HNRNPR: variants seen among roughly 807,000 people sequenced by gnomAD.
The protein encoded by HNRNPR is heterogeneous nuclear ribonucleoprotein R.
In HNRNPR, 4 loss-of-function variants were observed where a neutral mutation model predicts 70.3. The observed-to-expected ratio is 0.06, with a 90% confidence interval of 0.03 to 0.13. The LOEUF is 0.13. Among genes scored for constraint, HNRNPR ranks in the 10% least tolerant of loss-of-function variants. HNRNPR has a pLI of 1.00. For missense variants in HNRNPR, 423 were observed against 788.5 expected, an observed-to-expected ratio of 0.54 and a Z score of 5.55; for synonymous variants, 241 against 267.6, an observed-to-expected ratio of 0.90 and a Z score of 0.97.
chr1:23,334,981 G>T (rs571717424), intron 4 of HNRNPR, among the ~76,000 whole-genome samples: 4 of 151,840 alleles, frequency 2.6e-5, no homozygotes, highest in Admixed American at 6.6e-5. Flanking sequence ...GCAGTGGCGC[G>T]ATCTTGGCTC....
chr1:23,328,520 G>A (rs1036217799), intron 5 of HNRNPR, among the ~76,000 whole-genome samples: 2 of 152,130 alleles, frequency 1.3e-5, no homozygotes, highest in Non-Finnish European at 2.9e-5. Flanking sequence ...CTGTTTTTGA[G>A]ATGGAGTCTT....
intron 3 of HNRNPR, chr1:23,338,119 T>C: frequency 2.7e-6 from 1 of 371,104 alleles, no homozygotes; most frequent in Non-Finnish European, 4.8e-6. Context: ...GTATCTAGAC[T>C]GTCTTTGCCA....
intron 8 of HNRNPR, 50 bp from the exon 9 acceptor site, chr1:23,313,752 T>G (rs770289382): frequency 5.7e-6 from 9 of 1,569,800 alleles, no homozygotes; most frequent in Non-Finnish European, 7.7e-6. Context: ...TAATTTTACC[T>G]GAAAAGTGTT....
At chr1:23,335,967 A>G (rs866629223) in intron 4 of HNRNPR, among the ~76,000 whole-genome samples, 3 of 148,942 alleles carry the variant, frequency 2.0e-5, no homozygotes, top group African/African-American at 7.5e-5. Flanking sequence ...AATACAAAAA[A>G]TTAGCCGGGC....
rs1645220439 is a variant in HNRNPR at position 23,307,515 on chromosome 1, T to C, written c.*2939A>G. On this transcript the variant is annotated 3_prime_UTR_variant, in exon 11 of 11. Coordinates refer to ENST00000302271, the MANE Select transcript of HNRNPR (RefSeq NM_005826.5). ...TAACTAAAAAAACCTGAAAAACAATTATGCTGAACTCATTTTAAAAAAACT... is the reference window on the plus strand; with the variant it reads ...TAACTAAAAAAACCTGAAAAACAATCATGCTGAACTCATTTTAAAAAAACT... The C allele has an allele frequency of 6.6e-6, 1 of 152,058 alleles. No homozygotes were observed. The highest frequency in any genetic ancestry group is 2.4e-5 in the African/African-American group (1 of 41,426). The allele number at this position is 152,058 out of a possible 1,614,324, so 9.4% of individuals were successfully genotyped here. A position where few individuals can be genotyped will look rare whatever the true frequency, so the allele number is the denominator to read the frequency against.
chr1:23,306,899 G>C lies in HNRNPR; in HGVS notation c.*3555C>G, dbSNP rs1299175885. 1 of 152,078 alleles carries C rather than the reference G, an allele frequency of 6.6e-6. No individual in the cohort carries two copies. Among genetic ancestry groups the C allele is most frequent in the East Asian group, 1.9e-4 (1 of 5,196 alleles). The allele number at this position is 152,078 out of a possible 1,614,324, so 9.4% of individuals were successfully genotyped here. ...GTCATCCAATCTACTGGTTTCCTCA[G>C]AACAACTCCACCCCTAAGTTAACAG... On this transcript the variant is annotated 3_prime_UTR_variant, in exon 11 of 11. Coordinates refer to ENST00000302271, the MANE Select transcript of HNRNPR (RefSeq NM_005826.5).
At chr1:23,315,661 A>G (rs1040074256) in intron 8 of HNRNPR, among the ~76,000 whole-genome samples, 6 of 152,208 alleles carry the variant, frequency 3.9e-5, no homozygotes, top group Non-Finnish European at 5.9e-5. Context: ...GTAGAAAGGA[A>G]ATTTCTTTGT....
intron 5 of HNRNPR, 110 bp downstream of exon 5, chr1:23,333,408 T>C: frequency 1.6e-6 from 1 of 621,364 alleles, no homozygotes; most frequent in Non-Finnish European, 2.9e-6. Flanking sequence ...TAACAACAGC[T>C]ACACTTTGAA....
chr1:23,332,125 G>T (rs1249333752), intron 5 of HNRNPR, among the ~76,000 whole-genome samples: 1 of 151,898 alleles, frequency 6.6e-6, no homozygotes, highest in African/African-American at 2.4e-5. Flanking sequence ...GAGCGAGACT[G>T]AATGGAGAGA....
chr1:23,314,251 A>G (rs1239357070), intron 8 of HNRNPR, among the ~76,000 whole-genome samples: 2 of 152,178 alleles, frequency 1.3e-5, no homozygotes, highest in Admixed American at 1.3e-4. Flanking sequence ...AATTTAAATA[A>G]TAAAAGGGTG....
At chr1:23,343,026 C>T (rs917261687) in intron 1 of HNRNPR, among the ~76,000 whole-genome samples, 1 of 152,156 alleles carries the variant, frequency 6.6e-6, no homozygotes, top group Admixed American at 6.5e-5. Context: ...CCTCTCTCTT[C>T]AAGCCAAATA....
At chr1:23,333,437 C>A in intron 5 of HNRNPR, 81 bp downstream of exon 5, 3 of 754,176 alleles carry the variant, frequency 4.0e-6, no homozygotes, top group South Asian at 1.7e-5. Flanking sequence ...AGAATTTTCC[C>A]CCGTCTGTAC....
chr1:23,316,767 CA>C (rs1435860377), intron 8 of HNRNPR, among the ~76,000 whole-genome samples: 2 of 152,144 alleles, frequency 1.3e-5, no homozygotes, highest in African/African-American at 4.8e-5. Context: ...GGAGAAGAAA[CA>C]ATAGGAATTA....
chr1:23,323,817 G>A lies in HNRNPR; in HGVS notation c.499-85C>T, dbSNP rs1569992596. On this transcript the variant is annotated intron_variant, in intron 5 of 10. Coordinates refer to ENST00000302271, the MANE Select transcript of HNRNPR (RefSeq NM_005826.5). ...CCTACTGCCTTTTTTTTTTAAAGAT[G>A]GGGGCAGAAGAAGATGGTTAAGAAA... 7.8e-6 allele frequency: 8 copies of A among 1,024,432 alleles called. No individual in the cohort carries two copies. In the East Asian group the frequency reaches 1.7e-4, roughly 21 times the overall value. 63.5% of individuals were successfully genotyped at this position (1,024,432 alleles called of 1,614,324 possible).
At position 23,311,078 on chromosome 1, in the gene HNRNPR, G is replaced by A; in HGVS notation, c.1290-12C>T. The A allele has an allele frequency of 6.2e-7, 1 of 1,610,788 alleles. No homozygotes were observed. The highest frequency in any genetic ancestry group is 8.5e-7 in the Non-Finnish European group (1 of 1,178,280). On this transcript the variant is annotated splice_polypyrimidine_tract_variant and intron_variant, in intron 10 of 10. Coordinates refer to ENST00000302271, the MANE Select transcript of HNRNPR (RefSeq NM_005826.5). ...AATAATCTTCATACCTAGCAAAGTA[G>A]AGAAGGGAGAAAAGAAAAAACAAAT...
chr1:23,330,254 T>G (rs1374142886), intron 5 of HNRNPR, among the ~76,000 whole-genome samples: 1 of 152,056 alleles, frequency 6.6e-6, no homozygotes, highest in Non-Finnish European at 1.5e-5. Context: ...AAACAGAACT[T>G]GGCCAGGCGA....
At chr1:23,331,602 G>A (rs868797674) in intron 5 of HNRNPR, among the ~76,000 whole-genome samples, 2 of 151,676 alleles carry the variant, frequency 1.3e-5, no homozygotes, top group African/African-American at 2.4e-5. Context: ...TAGGAGAATC[G>A]CTTGAACCCG....
intron 4 of HNRNPR, among the ~76,000 whole-genome samples, chr1:23,333,832 C>G (rs576339148): frequency 6.6e-6 from 1 of 152,140 alleles, no homozygotes; most frequent in Non-Finnish European, 1.5e-5. Flanking sequence ...GTTCTCTATC[C>G]TTAAAAAAAT....
rs554065796 is a variant in HNRNPR at position 23,333,137 on chromosome 1, G to A, written c.498+381C>T. 3.4e-4 allele frequency among the ~76,000 whole-genome samples: 51 copies of A among 152,204 alleles called. No homozygotes were observed. The South Asian group carries it at 3.9e-3, about 12-fold the overall frequency. ...GCCGAGGTTGCAGTTTGCTGAGACC[G>A]TGTCACTGCACTCCAGCCTGGACAA... On this transcript the variant is annotated intron_variant, in intron 5 of 10. Coordinates refer to ENST00000302271, the MANE Select transcript of HNRNPR (RefSeq NM_005826.5).
Sources: gnomAD v4.1 joint callset for allele counts (sites outside exome capture counted in the v4.1 genomes callset) on GRCh38, gnomAD v4.1.1 for gene constraint, MANE v1.5 for transcripts, NCBI Gene and HGNC (gene_info 2026-07-23, HGNC 2026-07-21) for gene names.